Variants in STXBP5L observed in about 807,000 individuals in gnomAD.
STXBP5L encodes the protein syntaxin-binding protein 5-like.
Under a neutral mutation model 144.5 loss-of-function variants are expected in STXBP5L, and 65 were observed. The observed-to-expected ratio is 0.45, with a 90% CI of 0.37 to 0.55. The LOEUF (loss-of-function observed/expected upper bound fraction) is 0.55, where lower values mean the gene tolerates loss of function less well. STXBP5L is among the 20% of genes least tolerant of loss of function. The probability of loss-of-function intolerance (pLI) is 0.00; values close to 1 mark genes in which losing one functional copy is unlikely to be tolerated. For synonymous variants in STXBP5L, 505 were observed against 469.6 expected (o/e 1.08, Z -0.97); for missense variants, 1,298 against 1,405.5 (o/e 0.92, Z 1.22).
At chr3:121,121,453 G>A (rs2044459466) in intron 6 of STXBP5L, among the ~76,000 whole-genome samples, 188 bp from the exon 7 acceptor site, 1 of 151,264 alleles carries the variant, frequency 6.6e-6, no homozygotes, top group Non-Finnish European at 1.5e-5. Flanking sequence ...TAAATAAGTA[G>A]TTTGCAATTA....
At chr3:121,026,075 A>T (rs1310557607) in intron 3 of STXBP5L, among the ~76,000 whole-genome samples, 2 of 148,606 alleles carry the variant, frequency 1.3e-5, no homozygotes, top group Non-Finnish European at 3.0e-5. Flanking sequence ...ATTAAATTAT[A>T]TTTAATTCCC....
At chr3:121,029,677 A>C (rs897104000) in intron 3 of STXBP5L, among the ~76,000 whole-genome samples, 2 of 152,188 alleles carry the variant, frequency 1.3e-5, no homozygotes, top group African/African-American at 2.4e-5. Flanking sequence ...CAAAATTGAC[A>C]AATGGGATCT....
Position 121,297,202 on chromosome 3 carries a change from ATGTGTGTGTGTG to A in STXBP5L, c.2110+17273_2110+17284del, listed in dbSNP as rs71133526. Among the ~76,000 whole-genome samples, 197 of 148,280 alleles carry A rather than the reference ATGTGTGTGTGTG, an allele frequency of 1.3e-3. 1 individual carries two copies. The highest frequency in any genetic ancestry group is 3.0e-3 in the South Asian group (14 of 4,606). On this transcript the variant is annotated intron_variant, in intron 19 of 26. Transcript: ENST00000471454. ...CAGAATCTGAATGATTCTACATTATATGTGTGTGTGTGTGTGTGTGTGTGTGTGTGTGTGTGT... is the reference window on the plus strand; with the variant it reads ...CAGAATCTGAATGATTCTACATTATATGTGTGTGTGTGTGTGTGTGTGTGT...
At chr3:120,917,269 T>C (rs1319641373) in intron 2 of STXBP5L, among the ~76,000 whole-genome samples, 1 of 152,100 alleles carries the variant, frequency 6.6e-6, no homozygotes, top group Non-Finnish European at 1.5e-5. Context: ...GGTAAACATA[T>C]TTTCAGTAAG....
chr3:121,094,647 A>T (rs575285044), intron 5 of STXBP5L, among the ~76,000 whole-genome samples: 12 of 151,672 alleles, frequency 7.9e-5, no homozygotes, highest in African/African-American at 2.9e-4. Context: ...CCATCCTTTT[A>T]TTTTGAGCCT....
At chr3:120,980,185 A>T (rs1175272187) in intron 3 of STXBP5L, among the ~76,000 whole-genome samples, 1 of 152,142 alleles carries the variant, frequency 6.6e-6, no homozygotes, top group Non-Finnish European at 1.5e-5. Context: ...AGGAGAATAT[A>T]TATTGTGTGG....
At chr3:121,312,295 T>C (rs910215328) in intron 19 of STXBP5L, among the ~76,000 whole-genome samples, 2 of 149,702 alleles carry the variant, frequency 1.3e-5, no homozygotes, top group African/African-American at 2.5e-5. Context: ...AAGGACTTCA[T>C]GTCTAAAACA....
intron 14 of STXBP5L, among the ~76,000 whole-genome samples, chr3:121,248,034 C>A (rs1278250699): frequency 6.6e-6 from 1 of 152,112 alleles, no homozygotes; most frequent in Non-Finnish European, 1.5e-5. Context: ...ACGATGGTAT[C>A]CTACTGTGTT....
At chr3:121,009,082 GCGTAGCCTCCATTCCTGCC>G in intron 3 of STXBP5L, among the ~76,000 whole-genome samples, 1 of 151,878 alleles carries the variant, frequency 6.6e-6, no homozygotes, top group Non-Finnish European at 1.5e-5. Context: ...TTGGTTCCAT[GCGTAGCCTCCATTCCTGCC>G]ACCTGGTCAC....
chr3:121,003,217 G>T (rs1441547303), intron 3 of STXBP5L, among the ~76,000 whole-genome samples: 1 of 152,128 alleles, frequency 6.6e-6, no homozygotes, highest in Non-Finnish European at 1.5e-5. Context: ...TCCAGCACCT[G>T]TTGTTTCCTG....
At chr3:120,957,926 A>C (rs572516612) in intron 3 of STXBP5L, among the ~76,000 whole-genome samples, 2 of 152,194 alleles carry the variant, frequency 1.3e-5, no homozygotes, top group African/African-American at 2.4e-5. Flanking sequence ...ACTGAAGGAC[A>C]TAGAGACACA....
At chr3:121,252,942 T>C (rs755446362) in intron 15 of STXBP5L, among the ~76,000 whole-genome samples, 17 of 152,172 alleles carry the variant, frequency 1.1e-4, no homozygotes, top group Non-Finnish European at 1.2e-4. Flanking sequence ...TCATGGTAGC[T>C]TGCTGCTTCA....
intron 20 of STXBP5L, among the ~76,000 whole-genome samples, chr3:121,333,208 G>A (rs189286839): frequency 8.5e-5 from 13 of 152,230 alleles, no homozygotes; most frequent in Admixed American, 7.9e-4. Context: ...CAATCAACAT[G>A]ATGATTGGAA....
chr3:121,072,321 T>C (rs2041842768), intron 5 of STXBP5L, among the ~76,000 whole-genome samples: 1 of 152,244 alleles, frequency 6.6e-6, no homozygotes, highest in Non-Finnish European at 1.5e-5. Flanking sequence ...CTCCAGTTTC[T>C]TGAATCCCTG....
At chr3:121,177,830 T>G (rs980841944) in intron 9 of STXBP5L, among the ~76,000 whole-genome samples, 1 of 152,232 alleles carries the variant, frequency 6.6e-6, no homozygotes, top group Non-Finnish European at 1.5e-5. Flanking sequence ...TATACTCATA[T>G]TCATTGACAC....
intron 5 of STXBP5L, among the ~76,000 whole-genome samples, chr3:121,079,596 C>T (rs929211770): frequency 2.0e-5 from 3 of 152,188 alleles, no homozygotes; most frequent in African/African-American, 7.2e-5. Context: ...AAAAATAATT[C>T]AAGAGCGTAT....
intron 8 of STXBP5L, among the ~76,000 whole-genome samples, chr3:121,154,791 C>G (rs1429668262): frequency 6.6e-6 from 1 of 151,792 alleles, no homozygotes; most frequent in Non-Finnish European, 1.5e-5. Context: ...ATTTAAATAT[C>G]TAAACCTCCT....
intron 18 of STXBP5L, among the ~76,000 whole-genome samples, chr3:121,260,368 T>G (rs187646834): frequency 1.1e-3 from 168 of 152,250 alleles, no homozygotes; most frequent in Non-Finnish European, 2.0e-3. Context: ...GTTTGCTTTA[T>G]GACTTTGTTT....
intron 5 of STXBP5L, among the ~76,000 whole-genome samples, chr3:121,069,655 A>T (rs983561507): frequency 5.3e-5 from 8 of 151,808 alleles, no homozygotes; most frequent in African/African-American, 1.9e-4. Context: ...GAATTTTGTG[A>T]CATCTAGGTC....
Sources: allele counts gnomAD v4.1 joint callset (sites outside exome capture counted in the v4.1 genomes callset), GRCh38; gene constraint gnomAD v4.1.1; transcripts MANE v1.5; gene names NCBI Gene and HGNC (gene_info 2026-07-23, HGNC 2026-07-21).